DICER1: variants seen among roughly 807,000 people sequenced by gnomAD.
The protein encoded by DICER1 is dicer 1, ribonuclease III.
In DICER1, 43 loss-of-function variants were observed where a neutral mutation model predicts 194.1. That is an observed-to-expected ratio of 0.22 (90% CI 0.17 to 0.29). The LOEUF (loss-of-function observed/expected upper bound fraction) is 0.29. Among genes scored for constraint, DICER1 ranks in the 10% least tolerant of loss-of-function variants. The probability of loss-of-function intolerance (pLI) is 1.00; values close to 1 mark genes in which losing one functional copy is unlikely to be tolerated. For synonymous variants in DICER1, 832 were observed against 820.5 expected (o/e 1.01, Z -0.24); for missense variants, 1,608 against 2,317.0 (o/e 0.69, Z 6.28).
rs1893279456 is a variant in DICER1 at position 95,124,924 on chromosome 14, TGAA to T, written c.904-259_904-257del. ...AAAAGATGCAATTGTATGAGGTTAA[TGAA>T]GCTTATTTTTAGATCTGTAATTAGT... On this transcript the variant is annotated intron_variant, in intron 7 of 26. Transcript: ENST00000343455. The surrounding 1 kb of genome is among the most constrained non-coding windows in gnomAD (Gnocchi z 4.5). 6.6e-6 allele frequency among the ~76,000 whole-genome samples: 1 copy of T among 152,254 alleles called. No homozygotes were observed. The highest frequency in any genetic ancestry group is 1.9e-4 in the East Asian group (1 of 5,206).
In DICER1 at chr14:95,130,083, T is replaced by C. The variant is rs1595458785; in HGVS notation, c.548A>G (p.Asp183Gly). 6.2e-7 allele frequency: 1 copy of C among 1,613,502 alleles called. No individual in the cohort carries two copies. Among genetic ancestry groups the C allele is most frequent in the Non-Finnish European group, 8.5e-7 (1 of 1,179,746 alleles). The stretch of plus-strand genomic sequence containing the variant: ...CTTCATAATTTCTCGATAGGGGTGG[T>C]CTAGGATTGCAAGATGACACTCATC... Reference protein sequence around the residue: ...VFDECHLAILDHPYREIMKLC... With the variant: ...VFDECHLAILGHPYREIMKLC... The change falls in exon 5 of 27, where the codon GAC becomes GGC. Residue 183 changes from aspartate to glycine, a missense_variant. Asp to Gly is a moderately conservative substitution (Grantham distance 94, BLOSUM62 -1). Coordinates refer to ENST00000343455, the MANE Select transcript of DICER1 (RefSeq NM_177438.3).
chr14:95,139,661 C>T (rs1894700444), intron 1 of DICER1, among the ~76,000 whole-genome samples: 1 of 152,160 alleles, frequency 6.6e-6, no homozygotes, highest in Non-Finnish European at 1.5e-5. Context: ...ATTAGAGACT[C>T]ATGAATGTCC....
chr14:95,096,966 T>C (rs1001320501), intron 22 of DICER1, among the ~76,000 whole-genome samples: 1 of 143,844 alleles, frequency 7.0e-6, no homozygotes, highest in Non-Finnish European at 1.5e-5. Flanking sequence ...GTATGAAGCT[T>C]TAAGTTAAGG....
intron 6 of DICER1, chr14:95,129,206 T>A (rs868087649): frequency 2.4e-6 from 1 of 416,662 alleles, no homozygotes; most frequent in Middle Eastern, 6.8e-4. Flanking sequence ...AAGTTCCCAG[T>A]CCTTGGCAAC....
intron 22 of DICER1, among the ~76,000 whole-genome samples, chr14:95,099,363 TTTTACTGAAATTAATTA>T (rs1890652005): frequency 6.6e-6 from 1 of 152,242 alleles, no homozygotes; most frequent in Non-Finnish European, 1.5e-5. Flanking sequence ...AAAAGCAAGA[TTTTACTGAAATTAATTA>T]TTTCACAGAC....
chr14:95,137,372 G>T (rs1474652197), intron 1 of DICER1, among the ~76,000 whole-genome samples: 1 of 141,272 alleles, frequency 7.1e-6, no homozygotes, highest in Non-Finnish European at 1.5e-5. Flanking sequence ...AAAAGGGAAG[G>T]GGGAAGGGGA....
At chr14:95,120,923 A>G (rs1892886648) in intron 8 of DICER1, among the ~76,000 whole-genome samples, 1 of 152,176 alleles carries the variant, frequency 6.6e-6, no homozygotes, top group African/African-American at 2.4e-5. Flanking sequence ...TTCCAAATAG[A>G]GTAAGAAAAG....
chr14:95,091,799 G>A (rs897255998), intron 24 of DICER1, among the ~76,000 whole-genome samples: 11 of 152,192 alleles, frequency 7.2e-5, no homozygotes, highest in African/African-American at 2.7e-4. Flanking sequence ...GGTGTATGCT[G>A]CTTTGGGGAG....
At position 95,107,610 on chromosome 14, in the gene DICER1, T is replaced by C. The variant is rs1309958502; in HGVS notation, c.2802A>G (p.Pro934=). 1.2e-6 allele frequency: 2 copies of C among 1,613,926 alleles called. No homozygotes were observed. The highest frequency in any genetic ancestry group is 4.5e-5 in the East Asian group (2 of 44,854). ...LEDYQDAVII[P]RYRNFDQPHR... ...TTCCTTTCCATTTAAATACCTACCT[T>C]GGAATGATAACGGCATCTTGGTAAT... Residue 934 remains proline (P), a splice_region_variant and synonymous_variant, in exon 17 of 27, where the codon CCA becomes CCG. Coordinates refer to ENST00000343455, the MANE Select transcript of DICER1 (RefSeq NM_177438.3).
At position 95,086,254 on chromosome 14, in the gene DICER1, T is replaced by C. The variant is rs1889326632; in HGVS notation, c.*4244A>G. The C allele has an allele frequency of 4.3e-6, 1 of 232,344 alleles. No homozygotes were observed. Among genetic ancestry groups the C allele is most frequent in the Non-Finnish European group, 8.5e-6 (1 of 117,640 alleles). The allele number at this position is 232,344 out of a possible 1,614,324, so 14.4% of individuals were successfully genotyped here. A position where few individuals can be genotyped will look rare whatever the true frequency, so the allele number is the denominator to read the frequency against. ...GAACAGACGATAACTTTATTGGAGA[T>C]TTACTTGGCTACAATTATTACAAAA... is the stretch of plus-strand genomic sequence containing the variant. On this transcript the variant is annotated 3_prime_UTR_variant, in exon 27 of 27. Transcript: ENST00000343455.
At chr14:95,092,470 A>C (rs1889934629) in intron 24 of DICER1, among the ~76,000 whole-genome samples, 1 of 152,232 alleles carries the variant, frequency 6.6e-6, no homozygotes, top group Non-Finnish European at 1.5e-5. Flanking sequence ...TTAGCCATAC[A>C]AAGTTACATA....
rs185201077 is a variant in DICER1, at chr14:95,089,456, C to G, written c.*1042G>C. On this transcript the variant is annotated 3_prime_UTR_variant, in exon 27 of 27. Coordinates refer to ENST00000343455, the MANE Select transcript of DICER1 (RefSeq NM_177438.3). The stretch of plus-strand genomic sequence containing the variant: ...ATAAGTAACCAATCAATTATAAAAT[C>G]TGCAGCATATTTTAGGTGTGATATG... 2.6e-5 allele frequency: 6 copies of G among 232,622 alleles called. No individual in the cohort carries two copies. In the East Asian group the frequency reaches 3.7e-4, roughly 14 times the overall value. The allele number at this position is 232,622 out of a possible 1,614,324, so 14.4% of individuals were successfully genotyped here.
intron 1 of DICER1, among the ~76,000 whole-genome samples, chr14:95,149,014 C>A (rs1895331151): frequency 6.6e-6 from 1 of 151,542 alleles, no homozygotes; most frequent in Non-Finnish European, 1.5e-5. Context: ...GCCTTGAACT[C>A]CTGGGCTCAA....
upstream of DICER1, chr14:95,157,534 C>G (rs574001203): frequency 6.6e-6 from 1 of 152,586 alleles, no homozygotes; most frequent in Non-Finnish European, 1.5e-5. Context: ...CCCACTGGCT[C>G]CCGCACCGCC....
At chr14:95,140,184 A>C (rs1166053169) in intron 1 of DICER1, among the ~76,000 whole-genome samples, 1 of 152,116 alleles carries the variant, frequency 6.6e-6, no homozygotes, top group East Asian at 1.9e-4. Context: ...CAAACAACTT[A>C]CCCTCATGAA....
Position 95,124,636 on chromosome 14 carries a change from A to T in DICER1, c.936T>A (p.Val312=), listed in dbSNP as rs1595440564. 3 of 1,613,582 alleles carry T rather than the reference A, an allele frequency of 1.9e-6. No individual in the cohort carries two copies. Among genetic ancestry groups the T allele is most frequent in the African/African-American group, 2.7e-5 (2 of 74,918 alleles). ...CTTTATCTGCACACCAGGGTCCCAG[A>T]ACTACCAATACGGCACGACAGTCTG... ...ILSDCRAVLV[V]LGPWCADKVA... Residue 312 remains valine, a synonymous_variant, in exon 8 of 27, where the codon GTT becomes GTA. Coordinates refer to ENST00000343455, the MANE Select transcript of DICER1 (RefSeq NM_177438.3). The surrounding 1 kb of genome is among the most constrained non-coding windows in gnomAD (Gnocchi z 4.5).
intron 1 of DICER1, among the ~76,000 whole-genome samples, chr14:95,144,462 G>T (rs928404748): frequency 1.3e-5 from 2 of 152,046 alleles, no homozygotes; most frequent in African/African-American, 4.8e-5. Flanking sequence ...TGACTATTAC[G>T]AGGATTACAC....
intron 5 of DICER1, 49 bp from the exon 6 acceptor site, chr14:95,129,681 A>G (rs779643849): frequency 2.6e-6 from 4 of 1,535,130 alleles, no homozygotes; most frequent in Non-Finnish European, 3.6e-6. Flanking sequence ...TTGCAAGGCT[A>G]TAACAAGAGA....
Position 95,132,652 on chromosome 14 carries a change from T to A in DICER1, c.170A>T (p.Asp57Val). 1 of 1,613,990 alleles carries A rather than the reference T, an allele frequency of 6.2e-7. No homozygotes were observed. The highest frequency in any genetic ancestry group is 8.5e-7 in the Non-Finnish European group (1 of 1,179,942). Residue 57 changes from aspartate (D) to valine (V), a missense_variant, in exon 3 of 27, where the codon GAT becomes GTT. Asp to Val is a radical substitution (Grantham distance 152). Around this residue, in one of 10 missense-constraint regions of DICER1, gnomAD observed 657 missense variants for 910.1 expected, o/e 0.72. Coordinates refer to ENST00000343455, the MANE Select transcript of DICER1 (RefSeq NM_177438.3). The part of the protein sequence containing the change: ...YQVELLEAAL[D>V]HNTIVCLNTG... ...GTTTAAACAGACGATGGTATTATGA[T>A]CCAGAGCTGCTTCAAGCAGTTCAAC...
Sources: gnomAD v4.1 joint callset for allele counts (sites outside exome capture counted in the v4.1 genomes callset) on GRCh38, gnomAD v4.1.1 for gene constraint, gnomAD v4.1.1 regional missense constraint, Gnocchi (gnomAD v3.1) non-coding constraint, MANE v1.5 for transcripts, NCBI Gene and HGNC (gene_info 2026-07-23, HGNC 2026-07-21) for gene names.